Variants in LAMC2 observed in about 807,000 individuals in gnomAD.
LAMC2 encodes laminin subunit gamma-2.
Under a neutral mutation model 140.2 loss-of-function variants are expected in LAMC2, and 97 were observed. The ratio of observed to expected loss-of-function variants is 0.69; its 90% CI spans 0.59 to 0.82. The LOEUF is 0.82. Ranked by LOEUF, LAMC2 falls within the 40% of genes least tolerant of loss-of-function variation. LAMC2 has a pLI of 0.00. For missense variants in LAMC2, 1,402 were observed against 1,476.1 expected (o/e 0.95, Z 0.82); for synonymous variants, 513 against 540.2 (o/e 0.95, Z 0.70).
At chr1:183,235,391 G>A (rs1319213929) in intron 15 of LAMC2, among the ~76,000 whole-genome samples, 184 bp from the exon 16 acceptor site, 3 of 152,200 alleles carry the variant, frequency 2.0e-5, no homozygotes, top group African/African-American at 7.2e-5. Context: ...ATGACATAAG[G>A]CGAATTCTCC....
At position 183,237,651 on chromosome 1, in the gene LAMC2, G is replaced by T. The variant is rs1458833433; in HGVS notation, c.2754+147G>T. On this transcript the variant is annotated intron_variant, in intron 18 of 22. Transcript: ENST00000264144. ...CCCCGCACTTTTGGAGGCCAAGCCA[G>T]GAGGATCGCTTGAACTCAGGAGTTT... 6.2e-6 allele frequency: 5 copies of T among 808,542 alleles called. No homozygotes were observed. In the African/African-American group the frequency reaches 8.6e-5, roughly 14 times the overall value. 50.1% of individuals were successfully genotyped at this position (808,542 alleles called of 1,614,324 possible).
the LAMC2 span, among the ~76,000 whole-genome samples, chr1:183,255,250 T>A: frequency 1.3e-5 from 2 of 152,222 alleles, no homozygotes; most frequent in Non-Finnish European, 2.9e-5. Context: ...ATTTCTGGGC[T>A]CACTATTCGG....
intron 3 of LAMC2, among the ~76,000 whole-genome samples, chr1:183,217,609 A>T (rs566601267): frequency 6.6e-6 from 1 of 152,358 alleles, no homozygotes; most frequent in South Asian, 2.1e-4. Context: ...CCTCAAAAGC[A>T]TCATGCTAAG....
At chr1:183,215,722 C>A in intron 3 of LAMC2, 134 bp downstream of exon 3, 1 of 1,048,210 alleles carries the variant, frequency 9.5e-7, no homozygotes. Context: ...TTTGGGCTAT[C>A]TACTTTAATC....
chr1:183,242,600 G>C (rs1414041077), intron 22 of LAMC2, among the ~76,000 whole-genome samples: 2 of 152,226 alleles, frequency 1.3e-5, no homozygotes, highest in Non-Finnish European at 2.9e-5. Context: ...TTTCAGGCTG[G>C]AATGATGTCT....
At chr1:183,222,038 A>AG in intron 5 of LAMC2, 51 bp from the exon 6 acceptor site, 1 of 1,612,512 alleles carries the variant, frequency 6.2e-7, no homozygotes, top group Non-Finnish European at 8.5e-7. Flanking sequence ...TGTTTAACTT[A>AG]ATAGATGATG....
chr1:183,192,979 A>G (rs1418778211), intron 1 of LAMC2, among the ~76,000 whole-genome samples: 1 of 152,268 alleles, frequency 6.6e-6, no homozygotes, highest in Non-Finnish European at 1.5e-5. Context: ...TGCTGGGATT[A>G]CAGGCATGAG....
At chr1:183,232,005 T>C (rs776904929) in intron 12 of LAMC2, among the ~76,000 whole-genome samples, 182 bp from the exon 13 acceptor site, 2 of 152,218 alleles carry the variant, frequency 1.3e-5, no homozygotes, top group Non-Finnish European at 2.9e-5. Context: ...ATACAGCTAG[T>C]GAGTAGTGAG....
intron 1 of LAMC2, among the ~76,000 whole-genome samples, chr1:183,207,676 G>C (rs938646247): frequency 1.3e-5 from 2 of 152,164 alleles, no homozygotes; most frequent in African/African-American, 4.8e-5. Flanking sequence ...ATTGCATAGT[G>C]CCTACTTCCT....
rs78086745 is a variant in LAMC2, at chr1:183,215,210, C to G, written c.269-243C>G. ...GCAATATGCTACCTACTGTCACAAT[C>G]AGAGCAGACAAAGACAAATGCTTTT... On this transcript the variant is annotated intron_variant, in intron 2 of 22. Coordinates refer to ENST00000264144, the MANE Select transcript of LAMC2 (RefSeq NM_005562.3). Among the ~76,000 whole-genome samples the G allele has an allele frequency of 2.1e-3, 324 of 152,262 alleles. 6 individuals carry two copies. In the East Asian group the frequency reaches 0.054, roughly 25 times the overall value.
At chr1:183,199,105 T>TC (rs1489046289) in intron 1 of LAMC2, among the ~76,000 whole-genome samples, 4 of 135,200 alleles carry the variant, frequency 3.0e-5, no homozygotes, top group Admixed American at 2.2e-4. Flanking sequence ...TTCTTTTTTT[T>TC]TTTTTTTTTT....
At chr1:183,195,398 C>T (rs1658483270) in intron 1 of LAMC2, among the ~76,000 whole-genome samples, 1 of 152,164 alleles carries the variant, frequency 6.6e-6, no homozygotes, top group South Asian at 2.1e-4. Context: ...TTCACTGACT[C>T]TTGATGACTT....
intron 1 of LAMC2, among the ~76,000 whole-genome samples, chr1:183,202,410 A>G (rs111959366): frequency 0.011 from 1,741 of 152,248 alleles, 16 homozygotes; most frequent in Middle Eastern, 0.024. Flanking sequence ...AGGAAGGGGG[A>G]AAGGGGGCTT....
In LAMC2 at chr1:183,239,420, C is replaced by T. The variant is rs1660061053; in HGVS notation, c.2926C>T (p.Leu976Phe). 3.7e-6 allele frequency: 6 copies of T among 1,614,070 alleles called. No homozygotes were observed. The highest frequency in any genetic ancestry group is 1.6e-4 in the Middle Eastern group (1 of 6,084). Residue 976 changes from leucine to phenylalanine, a missense_variant, in exon 20 of 23, where the codon CTC becomes TTC. This residue lies in a region of LAMC2 where 670 missense variants were observed against 667.2 expected (regional missense o/e 1.00). Coordinates refer to ENST00000264144, the MANE Select transcript of LAMC2 (RefSeq NM_005562.3). Reference protein sequence around the residue: ...KAEAEEAMKRLSYISQKVSDA... With the variant: ...KAEAEEAMKRFSYISQKVSDA... Reference sequence around the variant, plus strand: ...AGAAGCTGAAGAAGCCATGAAGAGACTCTCCTACATCAGCCAGAAGGTTTC... The same window carrying T: ...AGAAGCTGAAGAAGCCATGAAGAGATTCTCCTACATCAGCCAGAAGGTTTC...
chr1:183,236,914 T>A (rs1345536712), intron 17 of LAMC2, among the ~76,000 whole-genome samples: 1 of 152,204 alleles, frequency 6.6e-6, no homozygotes, highest in Non-Finnish European at 1.5e-5. Context: ...TACGCTTGAG[T>A]CCAACCTATA....
chr1:183,222,135 G>A lies in LAMC2; in HGVS notation c.687G>A (p.Lys229=). ...KAVQRNGSPA[K]LQWSQRHQDV... Reference sequence around the variant, plus strand: ...TCCAACGAAATGGGTCTCCTGCAAAGCTCCAATGGTCACAGCGCCATCAAG... The same window carrying A: ...TCCAACGAAATGGGTCTCCTGCAAAACTCCAATGGTCACAGCGCCATCAAG... Residue 229 remains lysine (K), a synonymous_variant, in exon 6 of 23, where the codon AAG becomes AAA. Coordinates refer to ENST00000264144, the MANE Select transcript of LAMC2 (RefSeq NM_005562.3). 6.2e-7 allele frequency: 1 copy of A among 1,614,136 alleles called. No individual in the cohort carries two copies. Among genetic ancestry groups the A allele is most frequent in the Non-Finnish European group, 8.5e-7 (1 of 1,179,966 alleles).
intron 2 of LAMC2, among the ~76,000 whole-genome samples, chr1:183,211,828 A>T (rs370053732): frequency 5.3e-5 from 8 of 152,236 alleles, no homozygotes; most frequent in African/African-American, 1.9e-4. Context: ...AATATTTATC[A>T]TTTTTTAATA....
intron 2 of LAMC2, among the ~76,000 whole-genome samples, chr1:183,208,614 A>T (rs773830989): frequency 3.3e-5 from 5 of 152,240 alleles, no homozygotes; most frequent in Non-Finnish European, 7.3e-5. Context: ...AAAAGATAAA[A>T]CAAAATAACA....
intron 1 of LAMC2, among the ~76,000 whole-genome samples, chr1:183,195,316 A>G (rs961602845): frequency 6.6e-6 from 1 of 152,122 alleles, no homozygotes; most frequent in African/African-American, 2.4e-5. Flanking sequence ...ATAATGTACT[A>G]TGAACTCTCG....
Sources: allele counts gnomAD v4.1 joint callset (sites outside exome capture counted in the v4.1 genomes callset), GRCh38; gene constraint gnomAD v4.1.1; regional missense constraint gnomAD v4.1.1; transcripts MANE v1.5; gene names NCBI Gene and HGNC (gene_info 2026-07-23, HGNC 2026-07-21).